TUBGCP2: variants seen among roughly 807,000 people sequenced by gnomAD.
TUBGCP2 encodes gamma-tubulin complex component 2.
TUBGCP2 carries 55 observed loss-of-function variants against 92.2 expected under a neutral mutation model. The observed-to-expected ratio is 0.60, with a 90% confidence interval of 0.48 to 0.75. The LOEUF (loss-of-function observed/expected upper bound fraction) is 0.75, where lower values mean the gene tolerates loss of function less well. Among genes scored for constraint, TUBGCP2 ranks in the 30% least tolerant of loss-of-function variants. The pLI, the probability that TUBGCP2 is intolerant of heterozygous loss-of-function variation, is 0.00. For synonymous variants in TUBGCP2, 533 were observed against 505.2 expected (o/e 1.06, Z -0.74); for missense variants, 1,093 against 1,188.9 (o/e 0.92, Z 1.19).
intron 5 of TUBGCP2, among the ~76,000 whole-genome samples, chr10:133,294,024 G>C (rs1014460215): frequency 6.6e-6 from 1 of 152,228 alleles, no homozygotes; most frequent in Non-Finnish European, 1.5e-5. Flanking sequence ...GCAATGCTCA[G>C]ATACATGGCT....
At chr10:133,294,192 A>G (rs191220093) in intron 5 of TUBGCP2, among the ~76,000 whole-genome samples, 2 of 152,230 alleles carry the variant, frequency 1.3e-5, no homozygotes, top group Admixed American at 1.3e-4. Context: ...ACTCTTGATA[A>G]TTTCTATCCA....
chr10:133,285,242 G>A lies in TUBGCP2; in HGVS notation c.1896-29C>T, dbSNP rs1189851109. 2 of 1,609,564 alleles carry A rather than the reference G, an allele frequency of 1.2e-6. No individual in the cohort carries two copies. Among genetic ancestry groups the A allele is most frequent in the African/African-American group, 1.3e-5 (1 of 74,940 alleles). On this transcript the variant is annotated intron_variant, in intron 12 of 17. Transcript: ENST00000252936. This position sits in a 1 kb window ranked among gnomAD's most constrained non-coding sequence, Gnocchi z 6.8. ...CAAGAGACGTGGCGGCACCTCAGGT[G>A]GGCCTCCGTGACCGGCGGCGTCGTG...
chr10:133,281,255 G>A lies in TUBGCP2; in HGVS notation c.2573+18C>T, dbSNP rs772612623. 3.2e-5 allele frequency: 51 copies of A among 1,606,780 alleles called. No homozygotes were observed. The highest frequency in any genetic ancestry group is 6.7e-5 in the East Asian group (3 of 44,864). The stretch of plus-strand genomic sequence containing the variant: ...GACTGAGCTGAGGAAGGGCTGAGCC[G>A]GGGTGGCGCCCACCCACCTGGAGAT... On this transcript the variant is annotated intron_variant, in intron 17 of 17. Transcript: ENST00000252936.
intron 16 of TUBGCP2, 119 bp from the exon 17 acceptor site, chr10:133,281,555 T>C: frequency 3.9e-6 from 5 of 1,274,070 alleles, no homozygotes; most frequent in Non-Finnish European, 5.3e-6. Context: ...ATAGAAAACA[T>C]GGGTTCCATG....
intron 1 of TUBGCP2, among the ~76,000 whole-genome samples, chr10:133,306,969 C>A (rs577526885): frequency 2.0e-5 from 3 of 152,226 alleles, no homozygotes; most frequent in East Asian, 1.9e-4. Context: ...TCCCTCCCCC[C>A]AGAAGACCTT....
Position 133,302,861 on chromosome 10 carries a change from G to A in TUBGCP2, c.81C>T (p.Val27=). 1.2e-6 allele frequency: 2 copies of A among 1,613,918 alleles called. No individual in the cohort carries two copies. Among genetic ancestry groups the A allele is most frequent in the Non-Finnish European group, 1.7e-6 (2 of 1,179,998 alleles). ...LRVHGGDGAE[V]YIDLLQKNRT... Reference sequence around the variant, plus strand: ...TGTTCTTTTGAAGCAGGTCAATGTAGACCTCAGCCCCATCTCCTCCGTGGA... The same window carrying A: ...TGTTCTTTTGAAGCAGGTCAATGTAAACCTCAGCCCCATCTCCTCCGTGGA... Residue 27 remains valine, a synonymous_variant, in exon 2 of 18, where the codon GTC becomes GTT. Coordinates refer to ENST00000252936, the MANE Select transcript of TUBGCP2 (RefSeq NM_006659.4).
chr10:133,286,472 T>C (rs1469161808), intron 11 of TUBGCP2, among the ~76,000 whole-genome samples: 1 of 152,162 alleles, frequency 6.6e-6, no homozygotes, highest in Non-Finnish European at 1.5e-5. Context: ...GGTGCCCTAC[T>C]TCTAACCACG....
chr10:133,306,562 C>A (rs1462516657), intron 1 of TUBGCP2, among the ~76,000 whole-genome samples: 1 of 152,032 alleles, frequency 6.6e-6, no homozygotes, highest in Non-Finnish European at 1.5e-5. Flanking sequence ...CCAAGGTGGG[C>A]GGATCATGAG....
upstream of TUBGCP2, chr10:133,309,343 C>T (rs1200549788): frequency 1.9e-6 from 3 of 1,585,646 alleles, no homozygotes; most frequent in East Asian, 2.3e-5. Flanking sequence ...ACGCGGTGGG[C>T]GTGCCGCGAG....
At chr10:133,305,302 G>A (rs1357278391) in intron 1 of TUBGCP2, among the ~76,000 whole-genome samples, 16 of 152,262 alleles carry the variant, frequency 1.1e-4, no homozygotes, top group East Asian at 1.9e-4. Flanking sequence ...CTCTCTCTCC[G>A]CCTCGGCTAC....
chr10:133,283,772 C>G lies in TUBGCP2; in HGVS notation c.2145+110G>C, dbSNP rs1417899560. ...CCCTGCGTCTCCCTGCATTCCCTGC[C>G]TCTCCTGCACTCCCTGCCTCTCCCC... On this transcript the variant is annotated intron_variant, in intron 14 of 17. Transcript: ENST00000252936. 28 of 1,519,292 alleles carry G rather than the reference C, an allele frequency of 1.8e-5. No homozygotes were observed. The South Asian group carries it at 2.4e-4, about 13-fold the overall frequency. 94.1% of individuals were successfully genotyped at this position (1,519,292 alleles called of 1,614,324 possible).
chr10:133,307,315 G>T (rs1162415521), intron 1 of TUBGCP2, among the ~76,000 whole-genome samples: 1 of 152,206 alleles, frequency 6.6e-6, no homozygotes, highest in African/African-American at 2.4e-5. Flanking sequence ...GGGAAGCAAT[G>T]CACGCATGTC....
intron 17 of TUBGCP2, among the ~76,000 whole-genome samples, chr10:133,280,460 C>A (rs1038996104): frequency 6.6e-6 from 1 of 152,254 alleles, no homozygotes; most frequent in African/African-American, 2.4e-5. Context: ...AAGGGCACCA[C>A]CCCTTCCAGG....
intron 1 of TUBGCP2, among the ~76,000 whole-genome samples, chr10:133,307,794 T>C (rs149772647): frequency 2.0e-5 from 3 of 152,256 alleles, no homozygotes; most frequent in East Asian, 3.9e-4. Flanking sequence ...TTCTGTGCGA[T>C]CATCAGAGTC....
In TUBGCP2 at chr10:133,285,731, G is replaced by A. The variant is rs1316123643; in HGVS notation, c.1723-103C>T. 1.0e-5 allele frequency: 12 copies of A among 1,149,078 alleles called. No homozygotes were observed. Among genetic ancestry groups the A allele is most frequent in the Non-Finnish European group, 1.4e-5 (12 of 865,360 alleles). 71.2% of individuals were successfully genotyped at this position (1,149,078 alleles called of 1,614,324 possible). ...CTCACAGACCCAGCGCTGACGTAAGGTTCCCTACATTCCGATTCTAAATAT... is the reference window on the plus strand; with the variant it reads ...CTCACAGACCCAGCGCTGACGTAAGATTCCCTACATTCCGATTCTAAATAT... On this transcript the variant is annotated intron_variant, in intron 11 of 17. Transcript: ENST00000252936. This position sits in a 1 kb window ranked among gnomAD's most constrained non-coding sequence, Gnocchi z 6.8.
upstream of TUBGCP2, among the ~76,000 whole-genome samples, chr10:133,310,905 G>A (rs12355950): frequency 0.019 from 2,946 of 152,010 alleles, 42 homozygotes; most frequent in Non-Finnish European, 0.03. Flanking sequence ...AGGCTCAAGC[G>A]ATTCTCCCAC....
In TUBGCP2 at chr10:133,285,206, G is replaced by C; in HGVS notation, c.1903C>G (p.Leu635Val). Residue 635 changes from leucine to valine, a missense_variant, in exon 13 of 18, where the codon CTC (leucine) becomes GTC (valine). Physicochemically the swap from Leu to Val is conservative, Grantham distance 32. Transcript: ENST00000252936. The surrounding 1 kb of genome is among the most constrained non-coding windows in gnomAD (Gnocchi z 6.8). ...PLSLIINRKA[L>V]TRYQMLFRHM... is the part of the protein sequence containing the mutation. Reference sequence around the variant, plus strand: ...CTGAAGAGCATCTGGTAGCGAGTGAGGGCTTTCCTGCAAGAGACGTGGCGG... The same window carrying C: ...CTGAAGAGCATCTGGTAGCGAGTGACGGCTTTCCTGCAAGAGACGTGGCGG... 1 of 1,612,448 alleles carries C rather than the reference G, an allele frequency of 6.2e-7. No individual in the cohort carries two copies.
intron 1 of TUBGCP2, chr10:133,308,616 G>A (rs916390995): frequency 5.6e-5 from 10 of 179,562 alleles, no homozygotes; most frequent in Non-Finnish European, 1.0e-4. Context: ...CGCCCCGGCT[G>A]AGTGTCGGGC....
chr10:133,308,969 C>G, upstream of TUBGCP2: 1 of 1,242,188 alleles, frequency 8.1e-7, no homozygotes, highest in Non-Finnish European at 1.0e-6. Flanking sequence ...GCGCTGTGCG[C>G]CCGCCTCGCT....
Sources: gnomAD v4.1 joint callset for allele counts (sites outside exome capture counted in the v4.1 genomes callset) on GRCh38, gnomAD v4.1.1 for gene constraint, Gnocchi (gnomAD v3.1) non-coding constraint, MANE v1.5 for transcripts, NCBI Gene and HGNC (gene_info 2026-07-23, HGNC 2026-07-21) for gene names.